The following GRIA3 variants were observed in gnomAD, a reference collection of about 807,000 sequenced individuals.
GRIA3 encodes the protein glutamate ionotropic receptor AMPA type subunit 3, also known as glutamate receptor 3.
A neutral mutation model predicts 63.0 loss-of-function variants in GRIA3; 3 were observed. The observed-to-expected ratio is 0.05, with a 90% CI of 0.02 to 0.12. GRIA3 has a LOEUF of 0.12. Ranked by LOEUF, GRIA3 falls within the 10% of genes least tolerant of loss-of-function variation. GRIA3 has a pLI of 1.00. For synonymous variants in GRIA3, 274 were observed against 257.9 expected (o/e 1.06, Z -0.60); for missense variants, 347 against 700.9 (o/e 0.50, Z 5.70).
chrX:123,365,882 C>T (rs2045207097), intron 5 of GRIA3, among the ~76,000 whole-genome samples: 1 of 111,964 alleles, frequency 8.9e-6, no homozygotes, highest in Non-Finnish European at 1.9e-5. Context: ...ATAGGCAGAG[C>T]AGCCCCTAGG....
chrX:123,377,432 T>C (rs5911609), intron 5 of GRIA3, among the ~76,000 whole-genome samples: 43,300 of 111,039 alleles, frequency 0.39, 6,770 homozygotes, highest in Middle Eastern at 0.63. Context: ...AGGTAAACCA[T>C]GAAATAGCCA....
In GRIA3 at chrX:123,211,510, A is replaced by G. The variant is rs139599410; in HGVS notation, c.268+25520A>G. Among the ~76,000 whole-genome samples, 11 of 112,060 alleles carry G rather than the reference A, an allele frequency of 9.8e-5. No individual in the cohort carries two copies. In the East Asian group the frequency reaches 2.0e-3, roughly 20 times the overall value. ...TCAAGAGTGGGGATTAGGGTCCTTT[A>G]GCTGCTCCCAATGCAAGACACATAA... On this transcript the variant is annotated intron_variant, in intron 2 of 15. Coordinates refer to ENST00000620443, the MANE Select transcript of GRIA3 (RefSeq NM_007325.5).
rs192491611 is a variant in GRIA3, at chrX:123,248,946, G to C, written c.269-4357G>C. ...TTATTGGGGCTGGAGGGAGCTGAGG[G>C]AAGCAGCTGGCAGATGAATCATGGG... On this transcript the variant is annotated intron_variant, in intron 2 of 15. Coordinates refer to ENST00000620443, the MANE Select transcript of GRIA3 (RefSeq NM_007325.5). Among the ~76,000 whole-genome samples the C allele has an allele frequency of 1.2e-3, 136 of 112,153 alleles. 2 individuals are homozygous for C. Among genetic ancestry groups the C allele is most frequent in the African/African-American group, 4.1e-3 (127 of 30,853 alleles).
chrX:123,449,888 T>C (rs1256104398), intron 12 of GRIA3, among the ~76,000 whole-genome samples: 1 of 111,606 alleles, frequency 9.0e-6, no homozygotes, highest in East Asian at 2.8e-4. Context: ...CCCTGACATA[T>C]CGGGGTGGCA....
At chrX:123,335,949 C>T (rs2044971690) in intron 4 of GRIA3, among the ~76,000 whole-genome samples, 1 of 111,814 alleles carries the variant, frequency 8.9e-6, no homozygotes, top group Non-Finnish European at 1.9e-5. Context: ...CATCATCCAG[C>T]TTTATTAGGA....
At chrX:123,350,828 T>C (rs2147347795) in intron 4 of GRIA3, among the ~76,000 whole-genome samples, 1 of 112,616 alleles carries the variant, frequency 8.9e-6, no homozygotes, top group Admixed American at 9.4e-5. Flanking sequence ...GAATAAGGAT[T>C]GTGGCATTTT....
At chrX:123,233,841 T>C (rs190626312) in intron 2 of GRIA3, among the ~76,000 whole-genome samples, 2 of 111,678 alleles carry the variant, frequency 1.8e-5, no homozygotes, top group East Asian at 5.7e-4. Context: ...TAGTAAGTAT[T>C]TGAGGAGAAG....
chrX:123,459,250 A>G (rs1397242322), intron 12 of GRIA3, among the ~76,000 whole-genome samples: 1 of 111,648 alleles, frequency 9.0e-6, no homozygotes, highest in Non-Finnish European at 1.9e-5. Context: ...TAAGCACTGC[A>G]CTATATAGTT....
chrX:123,352,387 C>A (rs1219006008), intron 4 of GRIA3, among the ~76,000 whole-genome samples: 2 of 112,609 alleles, frequency 1.8e-5, no homozygotes, highest in African/African-American at 6.4e-5. Context: ...GCCTCAAACA[C>A]TTTTGGAGAC....
intron 2 of GRIA3, chrX:123,202,717 A>G: frequency 8.6e-7 from 1 of 1,166,126 alleles, no homozygotes; most frequent in Non-Finnish European, 1.1e-6. Flanking sequence ...TGCAAAGATC[A>G]TGGGCTGCTG....
chrX:123,455,367 T>C (rs1033397271), intron 12 of GRIA3, among the ~76,000 whole-genome samples: 1 of 111,932 alleles, frequency 8.9e-6, no homozygotes, highest in Non-Finnish European at 1.9e-5. Flanking sequence ...TGCTTAGAAA[T>C]GATATCATTT....
At chrX:123,452,174 T>C (rs2045736277) in intron 12 of GRIA3, among the ~76,000 whole-genome samples, 1 of 111,606 alleles carries the variant, frequency 9.0e-6, no homozygotes, top group African/African-American at 3.3e-5. Flanking sequence ...CATCGTTGAA[T>C]ATTAGAATCA....
At position 123,253,475 on chromosome X, in the gene GRIA3, C is replaced by A; in HGVS notation, c.441C>A (p.Gly147=). ...FVIQMRPALK[G]AILSLLGHYK... ...TCCAGATGCGCCCAGCCTTGAAGGG[C>A]GCTATTCTGAGTCTTCTGGGTCATT... The change falls in exon 3 of 16, where the codon GGC becomes GGA. Residue 147 remains glycine (G), a synonymous_variant. Transcript: ENST00000620443. 4 of 1,207,197 alleles carry A rather than the reference C, an allele frequency of 3.3e-6. No individual in the cohort carries two copies. Among genetic ancestry groups the A allele is most frequent in the Non-Finnish European group, 4.5e-6 (4 of 891,654 alleles).
intron 3 of GRIA3, among the ~76,000 whole-genome samples, chrX:123,285,960 T>C (rs1466663809): frequency 5.4e-5 from 6 of 111,769 alleles, no homozygotes; most frequent in Non-Finnish European, 1.9e-5. Flanking sequence ...ATCAACAGAA[T>C]ATACATTCTT....
intron 3 of GRIA3, among the ~76,000 whole-genome samples, chrX:123,270,412 A>C (rs1368970465): frequency 8.9e-6 from 1 of 112,217 alleles, no homozygotes; most frequent in African/African-American, 3.2e-5. Flanking sequence ...AAAAGATAGG[A>C]TAGCCACTAC....
At chrX:123,422,324 A>T (rs1279916403) in intron 11 of GRIA3, among the ~76,000 whole-genome samples, 1 of 112,504 alleles carries the variant, frequency 8.9e-6, no homozygotes, top group Non-Finnish European at 1.9e-5. Context: ...CTATGTCAAT[A>T]TTAGGTTTGA....
chrX:123,353,049 A>ACACT (rs2045107860), intron 4 of GRIA3, among the ~76,000 whole-genome samples: 1 of 108,629 alleles, frequency 9.2e-6, no homozygotes, highest in Admixed American at 9.9e-5. Flanking sequence ...ACACACACAC[A>ACACT]CACACAAACA....
chrX:123,253,370 C>G lies in GRIA3; in HGVS notation c.336C>G (p.Thr112=). ...FGFYDQMSMN[T]LTSFCGALHT... is the part of the protein sequence containing the mutation. ...TCTATGACCAGATGTCAATGAACAC[C>G]CTGACCTCCTTCTGTGGGGCCCTGC... Residue 112 remains threonine (T), a synonymous_variant, in exon 3 of 16, where the codon ACC becomes ACG. Coordinates refer to ENST00000620443, the MANE Select transcript of GRIA3 (RefSeq NM_007325.5). The G allele has an allele frequency of 1.7e-6, 2 of 1,209,462 alleles. No individual in the cohort carries two copies. The highest frequency in any genetic ancestry group is 2.2e-6 in the Non-Finnish European group (2 of 893,337).
intron 5 of GRIA3, among the ~76,000 whole-genome samples, chrX:123,365,737 C>T (rs888580611): frequency 1.3e-4 from 14 of 111,249 alleles, no homozygotes; most frequent in African/African-American, 3.9e-4. Flanking sequence ...CCTCATACTC[C>T]GTAAGTCTAA....
Sources: gnomAD v4.1 joint callset for allele counts (sites outside exome capture counted in the v4.1 genomes callset) on GRCh38, gnomAD v4.1.1 for gene constraint, MANE v1.5 for transcripts, NCBI Gene and HGNC (gene_info 2026-07-23, HGNC 2026-07-21) for gene names.